Variants in TLN2 observed in about 807,000 individuals in gnomAD.
The protein encoded by TLN2 is talin-2.
Under a neutral mutation model 294.7 loss-of-function variants are expected in TLN2, and 118 were observed. That is an observed-to-expected ratio of 0.40 (90% CI 0.34 to 0.47). The LOEUF is 0.47. Ranked by LOEUF, TLN2 falls within the 20% of genes least tolerant of loss-of-function variation. The pLI is 0.84. For synonymous variants in TLN2, 1,431 were observed against 1,304.5 expected, an observed-to-expected ratio of 1.10 and a Z score of -2.09; for missense variants, 3,083 against 3,282.2, an observed-to-expected ratio of 0.94 and a Z score of 1.48.
chr15:62,434,198 T>C (rs1324843155), intron 1 of TLN2, among the ~76,000 whole-genome samples: 1 of 152,192 alleles, frequency 6.6e-6, no homozygotes, highest in African/African-American at 2.4e-5. Context: ...GTTAGTGGTA[T>C]TTGTATATTA....
At chr15:62,706,427 C>A (rs1298978298) in intron 19 of TLN2, among the ~76,000 whole-genome samples, 1 of 152,254 alleles carries the variant, frequency 6.6e-6, no homozygotes, top group Non-Finnish European at 1.5e-5. Flanking sequence ...TATATAGGCT[C>A]TCTTTCTGCT....
At chr15:62,561,404 T>C (rs1415876899) in intron 1 of TLN2, 5 of 152,256 alleles carry the variant, frequency 3.3e-5, no homozygotes, top group Non-Finnish European at 5.9e-5. Flanking sequence ...GCTAACGCCT[T>C]CGCGAGAGGA....
chr15:62,707,138 T>C lies in TLN2; in HGVS notation c.2057T>C (p.Val686Ala). 6.2e-7 allele frequency: 1 copy of C among 1,614,226 alleles called. No homozygotes were observed. Residue 686 changes from valine to alanine, a missense_variant, in exon 20 of 59, where the codon GTA becomes GCA. Physicochemically the swap from Val to Ala is moderately conservative, Grantham distance 64. Transcript: ENST00000636159. ...GTTGCCAATGCAGCTGCCATGTTGG[T>C]ACTAAAGGCAAAGAATGTTGCCCAA... The part of the protein sequence containing the change: ...KAVANAAAML[V>A]LKAKNVAQVA...
chr15:62,500,062 C>T (rs1567034390), intron 1 of TLN2, among the ~76,000 whole-genome samples: 2 of 152,144 alleles, frequency 1.3e-5, no homozygotes, highest in Middle Eastern at 3.4e-3. Context: ...GTAGGCCAGG[C>T]GCAGTGGCTC....
rs1210673212 is a variant in TLN2, at chr15:62,748,421, G to C, written c.4096G>C (p.Asp1366His). The C allele has an allele frequency of 1.2e-6, 2 of 1,613,872 alleles. No homozygotes were observed. The highest frequency in any genetic ancestry group is 1.7e-6 in the Non-Finnish European group (2 of 1,179,978). The change falls in exon 33 of 59, where the codon GAT becomes CAT. Residue 1366 changes from aspartate to histidine, a missense_variant. Coordinates refer to ENST00000636159, the MANE Select transcript of TLN2 (RefSeq NM_015059.3). ...TQQAPGQKEC[D>H]NALRELETVK... is the part of the protein sequence containing the mutation. ...ACAAGCTCCGGGCCAGAAAGAGTGCGATAATGCCCTGCGGGAGCTCGAGGT... is the reference window on the plus strand; with the variant it reads ...ACAAGCTCCGGGCCAGAAAGAGTGCCATAATGCCCTGCGGGAGCTCGAGGT...
intron 12 of TLN2, among the ~76,000 whole-genome samples, chr15:62,688,913 T>C (rs1227355121): frequency 1.3e-5 from 2 of 152,166 alleles, no homozygotes; most frequent in East Asian, 1.9e-4. Flanking sequence ...TGAATTCTTG[T>C]AGAGAGCATA....
intron 3 of TLN2, chr15:62,637,876 G>A (rs1354538886): frequency 6.6e-6 from 1 of 152,264 alleles, no homozygotes; most frequent in African/African-American, 2.4e-5. Flanking sequence ...TGGAGCAGAG[G>A]GTGGTAACAT....
At chr15:62,647,739 C>A (rs1384095351) in intron 4 of TLN2, among the ~76,000 whole-genome samples, 1 of 152,086 alleles carries the variant, frequency 6.6e-6, no homozygotes, top group African/African-American at 2.4e-5. Context: ...CTCATTGTCC[C>A]AAGAAAGTGC....
intron 45 of TLN2, among the ~76,000 whole-genome samples, chr15:62,787,785 G>A (rs565974889): frequency 8.4e-4 from 122 of 145,200 alleles, no homozygotes; most frequent in African/African-American, 3.0e-3. Flanking sequence ...CTCCGCCACC[G>A]GGTTCAAGCG....
intron 2 of TLN2, among the ~76,000 whole-genome samples, chr15:62,604,540 A>G (rs1050549702): frequency 4.0e-5 from 6 of 149,878 alleles, no homozygotes; most frequent in Non-Finnish European, 8.9e-5. Context: ...AAAAAAAAAA[A>G]AAAAAAGAAA....
chr15:62,797,552 GT>G, intron 48 of TLN2, 150 bp downstream of exon 48: 1 of 957,574 alleles, frequency 1.0e-6, no homozygotes, highest in Non-Finnish European at 1.5e-6. Flanking sequence ...GTAGGAGGCA[GT>G]CATCCAAGCG....
At chr15:62,522,234 G>A (rs1374742492) in intron 1 of TLN2, among the ~76,000 whole-genome samples, 1 of 152,182 alleles carries the variant, frequency 6.6e-6, no homozygotes, top group Non-Finnish European at 1.5e-5. Flanking sequence ...AAAGCAGGAT[G>A]TGTCCACAGC....
At chr15:62,420,545 C>T (rs1328590141) in intron 1 of TLN2, among the ~76,000 whole-genome samples, 2 of 152,076 alleles carry the variant, frequency 1.3e-5, no homozygotes, top group Admixed American at 6.5e-5. Context: ...TACAGGCGTG[C>T]CACCATGCTC....
At chr15:62,455,762 T>C (rs894706226) in intron 1 of TLN2, among the ~76,000 whole-genome samples, 7 of 152,220 alleles carry the variant, frequency 4.6e-5, no homozygotes, top group Non-Finnish European at 1.0e-4. Flanking sequence ...CCATATGCCT[T>C]GATGGGCCCT....
intron 3 of TLN2, among the ~76,000 whole-genome samples, chr15:62,627,113 G>A (rs8042621): frequency 0.049 from 7,396 of 152,276 alleles, 229 homozygotes; most frequent in African/African-American, 0.083. Flanking sequence ...TGCTGGCCAC[G>A]CCTTTATTAC....
At chr15:62,399,469 G>C (rs1218810994) in intron 1 of TLN2, among the ~76,000 whole-genome samples, 1 of 152,024 alleles carries the variant, frequency 6.6e-6, no homozygotes, top group African/African-American at 2.4e-5. Context: ...CAGAATAGTA[G>C]ATCCACCAAC....
chr15:62,576,906 A>T (rs1332677812), intron 1 of TLN2, among the ~76,000 whole-genome samples: 1 of 151,998 alleles, frequency 6.6e-6, no homozygotes, highest in Non-Finnish European at 1.5e-5. Flanking sequence ...GTGGAGTAGG[A>T]TTCCTTATGT....
At chr15:62,790,782 A>T (rs2065017587) in intron 45 of TLN2, among the ~76,000 whole-genome samples, 1 of 152,222 alleles carries the variant, frequency 6.6e-6, no homozygotes, top group South Asian at 2.1e-4. Context: ...ACCAACAAAC[A>T]TGTCCCGCAA....
chr15:62,733,111 A>T (rs1567483103), intron 28 of TLN2, among the ~76,000 whole-genome samples: 1 of 152,170 alleles, frequency 6.6e-6, no homozygotes, highest in Non-Finnish European at 1.5e-5. Flanking sequence ...ATCCTGAAGA[A>T]CCTGGCTGGT....
Sources: gnomAD v4.1 joint callset for allele counts (sites outside exome capture counted in the v4.1 genomes callset) on GRCh38, gnomAD v4.1.1 for gene constraint, MANE v1.5 for transcripts, NCBI Gene and HGNC (gene_info 2026-07-23, HGNC 2026-07-21) for gene names.